Variants in ATP9A observed in about 807,000 individuals in gnomAD.
ATP9A encodes the protein probable phospholipid-transporting ATPase IIA.
Under a neutral mutation model 144.1 loss-of-function variants are expected in ATP9A, and 52 were observed. The observed-to-expected ratio is 0.36, with a 90% CI of 0.29 to 0.45. The LOEUF (loss-of-function observed/expected upper bound fraction) is 0.45, where lower values mean the gene tolerates loss of function less well. ATP9A is among the 20% of genes least tolerant of loss of function. ATP9A has a pLI of 1.00. For missense variants in ATP9A, 947 were observed against 1,392.7 expected (o/e 0.68, Z 5.09); for synonymous variants, 582 against 557.4 (o/e 1.04, Z -0.62).
At chr20:51,644,267 C>CTTTTTTCTT (rs2077332368) in intron 14 of ATP9A, among the ~76,000 whole-genome samples, 4 of 75,998 alleles carry the variant, frequency 5.3e-5, no homozygotes, top group Non-Finnish European at 5.1e-5. Flanking sequence ...TTACTTCTAG[C>CTTTTTTCTT]TTTTTTTTTT....
intron 1 of ATP9A, among the ~76,000 whole-genome samples, chr20:51,740,696 G>A (rs186298555): frequency 1.4e-3 from 205 of 149,542 alleles, no homozygotes; most frequent in African/African-American, 4.9e-3. Flanking sequence ...AGCCTCCCAC[G>A]TGGCTGGGAC....
chr20:51,750,469 C>G (rs1165498475), intron 1 of ATP9A, among the ~76,000 whole-genome samples: 1 of 152,226 alleles, frequency 6.6e-6, no homozygotes. Flanking sequence ...CAACCCCACA[C>G]AGCACGAGCC....
At chr20:51,702,235 G>A (rs557259307) in intron 4 of ATP9A, among the ~76,000 whole-genome samples, 2 of 151,578 alleles carry the variant, frequency 1.3e-5, no homozygotes, top group East Asian at 3.9e-4. Context: ...CAAAGGCGGA[G>A]GCTGCAGTGA....
chr20:51,688,569 G>A (rs747660382), intron 9 of ATP9A, among the ~76,000 whole-genome samples: 2 of 151,894 alleles, frequency 1.3e-5, no homozygotes, highest in African/African-American at 4.8e-5. Flanking sequence ...TCCAGCCTAG[G>A]TGACAGTGTA....
At chr20:51,745,730 G>A (rs1320171392) in intron 1 of ATP9A, among the ~76,000 whole-genome samples, 2 of 152,164 alleles carry the variant, frequency 1.3e-5, no homozygotes, top group Non-Finnish European at 2.9e-5. Flanking sequence ...CTAGGCTTCT[G>A]TGATGATGGA....
chr20:51,649,981 G>A (rs1185051378), intron 14 of ATP9A, among the ~76,000 whole-genome samples: 1 of 151,630 alleles, frequency 6.6e-6, no homozygotes, highest in Non-Finnish European at 1.5e-5. Context: ...GCCAGCAATT[G>A]CACTGCAGAA....
In ATP9A at chr20:51,671,208, G is replaced by A; in HGVS notation, c.1087C>T (p.Arg363Ter). ...MGKIVYSWVI[R>*]RDSKIPGTVV... ...GTCCCGGGGATTTTCGAGTCCCTTC[G>A]AATCACCCAGCTGTACACGATCTTG... Residue 363 changes from arginine (R) to a stop codon, truncating the protein, a stop_gained, in exon 12 of 28, where the codon CGA becomes TGA. Coordinates refer to ENST00000338821, the MANE Select transcript of ATP9A (RefSeq NM_006045.3). LOFTEE classifies it high-confidence loss of function. The A allele has an allele frequency of 1.9e-6, 3 of 1,614,124 alleles. No individual in the cohort carries two copies. The highest frequency in any genetic ancestry group is 2.5e-6 in the Non-Finnish European group (3 of 1,180,010).
intron 7 of ATP9A, among the ~76,000 whole-genome samples, chr20:51,693,538 T>G (rs762912195): frequency 7.9e-5 from 12 of 152,036 alleles, no homozygotes; most frequent in Non-Finnish European, 1.3e-4. Context: ...TGGTTATTAC[T>G]TTTATTAGAT....
chr20:51,638,206 T>TA (rs2077303524), intron 15 of ATP9A, among the ~76,000 whole-genome samples: 2 of 140,444 alleles, frequency 1.4e-5, no homozygotes, highest in East Asian at 4.2e-4. Flanking sequence ...TGTGCTGCTA[T>TA]AAAAATGCAT....
rs767244275 is a variant in ATP9A at position 51,764,485 on chromosome 20, T to C, written c.68+3817A>G. 2.6e-5 allele frequency among the ~76,000 whole-genome samples: 4 copies of C among 152,336 alleles called. No individual in the cohort carries two copies. The East Asian group carries it at 7.7e-4, about 29-fold the overall frequency. ...CCAGGAGATTCCTCCAAAAATAAGCTGCACGTCTTCGCAACATTCGCTGAG... is the reference window on the plus strand; with the variant it reads ...CCAGGAGATTCCTCCAAAAATAAGCCGCACGTCTTCGCAACATTCGCTGAG... On this transcript the variant is annotated intron_variant, in intron 1 of 27. Transcript: ENST00000338821.
chr20:51,690,588 C>G lies in ATP9A; in HGVS notation c.723+151G>C, dbSNP rs541197262. The G allele has an allele frequency of 2.1e-4, 144 of 686,418 alleles. 2 individuals are homozygous for G. The South Asian group carries it at 2.4e-3, about 11-fold the overall frequency. 42.5% of individuals were successfully genotyped at this position (686,418 alleles called of 1,614,324 possible). On this transcript the variant is annotated intron_variant, in intron 8 of 27. Transcript: ENST00000338821. ...CAGTTGTGTCGACCTTACTGAGAAACAATACGCTGGCTTTCAAGGCGGTGC... is the reference window on the plus strand; with the variant it reads ...CAGTTGTGTCGACCTTACTGAGAAAGAATACGCTGGCTTTCAAGGCGGTGC...
At chr20:51,681,890 A>C (rs972176141) in intron 9 of ATP9A, among the ~76,000 whole-genome samples, 1 of 152,214 alleles carries the variant, frequency 6.6e-6, no homozygotes. Context: ...CACCAGATGA[A>C]AAACAAACAG....
At chr20:51,674,418 A>G in intron 10 of ATP9A, 105 bp from the exon 11 acceptor site, 2 of 1,182,658 alleles carry the variant, frequency 1.7e-6, no homozygotes, top group Non-Finnish European at 2.4e-6. Context: ...CACTGCACTA[A>G]CTCAGCCTGC....
At chr20:51,609,074 C>T (rs1330665737) in intron 24 of ATP9A, among the ~76,000 whole-genome samples, 3 of 151,960 alleles carry the variant, frequency 2.0e-5, no homozygotes, top group East Asian at 3.9e-4. Flanking sequence ...GAAGGAACCA[C>T]CAGTGCAAAG....
intron 4 of ATP9A, among the ~76,000 whole-genome samples, chr20:51,702,176 G>A (rs1349147389): frequency 2.6e-5 from 4 of 151,630 alleles, no homozygotes; most frequent in African/African-American, 7.3e-5. Context: ...GCAGGCGCCT[G>A]TAATCCCAGC....
At chr20:51,699,631 C>T (rs755531302) in intron 4 of ATP9A, among the ~76,000 whole-genome samples, 27 of 152,010 alleles carry the variant, frequency 1.8e-4, no homozygotes, top group Non-Finnish European at 2.8e-4. Context: ...ATAAACACTA[C>T]TGACTTCTGA....
intron 8 of ATP9A, among the ~76,000 whole-genome samples, chr20:51,689,786 T>C (rs1568821898): frequency 6.6e-6 from 1 of 151,686 alleles, no homozygotes; most frequent in Non-Finnish European, 1.5e-5. Context: ...GCTTAAAAAT[T>C]ATGAAAATGG....
At chr20:51,613,003 G>A (rs141408772) in intron 23 of ATP9A, among the ~76,000 whole-genome samples, 192 of 152,238 alleles carry the variant, frequency 1.3e-3, no homozygotes, top group African/African-American at 4.4e-3. Flanking sequence ...GATTGTGACT[G>A]CAGGCTTTGA....
intron 16 of ATP9A, among the ~76,000 whole-genome samples, chr20:51,627,974 T>C (rs1182318003): frequency 2.0e-5 from 3 of 152,176 alleles, no homozygotes; most frequent in African/African-American, 7.2e-5. Flanking sequence ...AAATCTGGAC[T>C]GCTGAATGGG....
Sources: allele counts gnomAD v4.1 joint callset (sites outside exome capture counted in the v4.1 genomes callset), GRCh38; gene constraint gnomAD v4.1.1; transcripts MANE v1.5; gene names NCBI Gene and HGNC (gene_info 2026-07-23, HGNC 2026-07-21).